The following PRKD1 variants were observed in gnomAD, a reference collection of about 807,000 sequenced individuals.
PRKD1 encodes protein kinase D1.
A neutral mutation model predicts 95.9 loss-of-function variants in PRKD1; 63 were observed. The ratio of observed to expected loss-of-function variants is 0.66; its 90% CI spans 0.54 to 0.81. PRKD1 has a LOEUF of 0.81. PRKD1 is among the 30% of genes least tolerant of loss of function. The pLI, the probability that PRKD1 is intolerant of heterozygous loss-of-function variation, is 0.00. For missense variants in PRKD1, 1,048 were observed against 1,165.3 expected (o/e 0.90, Z 1.47); for synonymous variants, 425 against 423.1 (o/e 1.00, Z -0.05).
rs779729017 is a variant in PRKD1 at position 29,700,986 on chromosome 14, G to GCACACACACACACACA, written c.403+24549_403+24550insTGTGTGTGTGTGTGTG. Among the ~76,000 whole-genome samples the GCACACACACACACACA allele has an allele frequency of 7.3e-3, 383 of 52,326 alleles. 3 individuals carry two copies. Among genetic ancestry groups the GCACACACACACACACA allele is most frequent in the South Asian group, 0.057 (69 of 1,216 alleles). The allele number at this position is 52,326 out of a possible 152,430, so 34.3% of individuals were successfully genotyped here. On this transcript the variant is annotated intron_variant, in intron 2 of 17. Transcript: ENST00000331968. Reference sequence around the variant, plus strand: ...TGTACGCGTGCGCATGCGCGCGCGCGCGCACACACACACACACACACCCTG... The same window carrying GCACACACACACACACA: ...TGTACGCGTGCGCATGCGCGCGCGCGCACACACACACACACACGCACACACACACACACACACCCTG...
chr14:29,682,824 T>C (rs548254765), intron 2 of PRKD1, among the ~76,000 whole-genome samples: 1 of 152,204 alleles, frequency 6.6e-6, no homozygotes, highest in African/African-American at 2.4e-5. Context: ...AATGCAAAGC[T>C]GGGAGGAGGC....
intron 1 of PRKD1, among the ~76,000 whole-genome samples, chr14:29,777,219 G>A (rs1294535892): frequency 6.6e-6 from 1 of 152,174 alleles, no homozygotes; most frequent in African/African-American, 2.4e-5. Context: ...ATCAATGCTA[G>A]GAAGAAACTG....
At chr14:29,900,105 T>C (rs962465180) in intron 1 of PRKD1, among the ~76,000 whole-genome samples, 5 of 152,206 alleles carry the variant, frequency 3.3e-5, no homozygotes, top group African/African-American at 1.2e-4. Context: ...TTTTCCTTTA[T>C]AAATTGCCCA....
intron 16 of PRKD1, among the ~76,000 whole-genome samples, chr14:29,586,258 G>A (rs1384663106): frequency 6.6e-6 from 1 of 152,184 alleles, no homozygotes; most frequent in Non-Finnish European, 1.5e-5. Flanking sequence ...TATCTGGAAT[G>A]CAGAGATAGA....
chr14:29,879,218 T>C (rs533331536), intron 1 of PRKD1, among the ~76,000 whole-genome samples: 1 of 152,332 alleles, frequency 6.6e-6, no homozygotes, highest in South Asian at 2.1e-4. Flanking sequence ...TGATATGGTT[T>C]GACTATGTCC....
At chr14:29,753,319 A>G (rs1887560666) in intron 1 of PRKD1, among the ~76,000 whole-genome samples, 1 of 152,074 alleles carries the variant, frequency 6.6e-6, no homozygotes, top group Admixed American at 6.6e-5. Context: ...CCTTTACCTT[A>G]AACTTAAGTA....
chr14:29,830,304 C>T (rs1344144697), intron 1 of PRKD1, among the ~76,000 whole-genome samples: 1 of 152,132 alleles, frequency 6.6e-6, no homozygotes, highest in East Asian at 1.9e-4. Flanking sequence ...CACCCTCTAT[C>T]CCAGAGTGTG....
At position 29,666,167 on chromosome 14, in the gene PRKD1, G is replaced by A; in HGVS notation, c.445C>T (p.Leu149Phe). The change falls in exon 3 of 18, where the codon CTC becomes TTC. Residue 149 changes from leucine (L) to phenylalanine (F), a missense_variant. By Grantham distance (22) the Leu-to-Phe change is conservative. Around this residue, in one of 3 missense-constraint regions of PRKD1, gnomAD observed 275 missense variants for 248.6 expected, o/e 1.11. Coordinates refer to ENST00000331968, the MANE Select transcript of PRKD1 (RefSeq NM_002742.3). Reference protein sequence around the residue: ...FEDFQIRPHALFVHSYRAPAF... With the variant: ...FEDFQIRPHAFFVHSYRAPAF... ...GGAGCTCTGTATGAATGAACAAAGA[G>A]AGCGTGGGGACGAATCTGAAAGTCT... is the stretch of plus-strand genomic sequence containing the variant. 1.9e-6 allele frequency: 3 copies of A among 1,606,994 alleles called. No homozygotes were observed. The highest frequency in any genetic ancestry group is 2.6e-6 in the Non-Finnish European group (3 of 1,175,112).
At chr14:29,683,993 AC>A (rs1424691106) in intron 2 of PRKD1, among the ~76,000 whole-genome samples, 1 of 152,020 alleles carries the variant, frequency 6.6e-6, no homozygotes, top group Non-Finnish European at 1.5e-5. Flanking sequence ...CAATTAACAA[AC>A]CCCTTATGCC....
intron 1 of PRKD1, among the ~76,000 whole-genome samples, chr14:29,846,721 CAG>C (rs767948842): frequency 3.3e-4 from 51 of 152,266 alleles, no homozygotes; most frequent in African/African-American, 4.3e-4. Flanking sequence ...CAGACAAAGA[CAG>C]AGGCAGAGAC....
At chr14:29,632,227 G>A (rs1880055932) in intron 9 of PRKD1, among the ~76,000 whole-genome samples, 1 of 152,138 alleles carries the variant, frequency 6.6e-6, no homozygotes, top group Non-Finnish European at 1.5e-5. Flanking sequence ...AATTAGTGAG[G>A]TTTCCATTTT....
chr14:29,643,195 GAGAT>G (rs1438089603), intron 4 of PRKD1, among the ~76,000 whole-genome samples: 3 of 152,072 alleles, frequency 2.0e-5, no homozygotes, highest in African/African-American at 7.2e-5. Context: ...ATATGGTAGT[GAGAT>G]AGATGCATAT....
intron 1 of PRKD1, among the ~76,000 whole-genome samples, chr14:29,750,233 A>G (rs1887413889): frequency 6.6e-6 from 1 of 152,200 alleles, no homozygotes; most frequent in African/African-American, 2.4e-5. Context: ...AGAGCTCCAA[A>G]TTATATACAG....
At chr14:29,805,416 C>CA (rs1566611111) in intron 1 of PRKD1, among the ~76,000 whole-genome samples, 1 of 151,954 alleles carries the variant, frequency 6.6e-6, no homozygotes, top group African/African-American at 2.4e-5. Context: ...AAATGCATTA[C>CA]AAAAAAAGAA....
chr14:29,828,022 T>A (rs1366306816), intron 1 of PRKD1, among the ~76,000 whole-genome samples: 1 of 152,036 alleles, frequency 6.6e-6, no homozygotes, highest in African/African-American at 2.4e-5. Context: ...ACTTATCTAT[T>A]CCTACATTTA....
chr14:29,904,090 T>C (rs1413822858), intron 1 of PRKD1, among the ~76,000 whole-genome samples: 1 of 152,172 alleles, frequency 6.6e-6, no homozygotes, highest in Non-Finnish European at 1.5e-5. Flanking sequence ...TAGGTACTTA[T>C]TTTTATGGCA....
intron 1 of PRKD1, among the ~76,000 whole-genome samples, chr14:29,827,559 A>G (rs1229129830): frequency 1.3e-5 from 2 of 152,158 alleles, no homozygotes; most frequent in East Asian, 1.9e-4. Context: ...ACAAAGTGAT[A>G]TGACTGGAAA....
Position 29,815,545 on chromosome 14 carries a change from CA to C in PRKD1, c.265-89872del, listed in dbSNP as rs549989679. On this transcript the variant is annotated intron_variant, in intron 1 of 17. Transcript: ENST00000331968. ...GTCTAACCGTTATAAGATCCTGGAA[CA>C]ATTTACAGTACTATGCAATGGAACA... Among the ~76,000 whole-genome samples, 25 of 152,302 alleles carry C rather than the reference CA, an allele frequency of 1.6e-4. No individual in the cohort carries two copies. The East Asian group carries it at 4.8e-3, about 29-fold the overall frequency.
At position 29,675,985 on chromosome 14, in the gene PRKD1, G is replaced by C. The variant is rs1416103845; in HGVS notation, c.404-9777C>G. Among the ~76,000 whole-genome samples, 30 of 123,484 alleles carry C rather than the reference G, an allele frequency of 2.4e-4. 1 individual carries two copies. The highest frequency in any genetic ancestry group is 5.2e-4 in the Admixed American group (6 of 11,596). The allele number at this position is 123,484 out of a possible 152,430, so 81.0% of individuals were successfully genotyped here. On this transcript the variant is annotated intron_variant, in intron 2 of 17. Transcript: ENST00000331968. ...CACACATCGGGGCCTGTCGTGGGGT[G>C]GGGGGTGGGGGGAGGGATAACATTA...
Sources: allele counts gnomAD v4.1 joint callset (sites outside exome capture counted in the v4.1 genomes callset), GRCh38; gene constraint gnomAD v4.1.1; regional missense constraint gnomAD v4.1.1; transcripts MANE v1.5; gene names NCBI Gene and HGNC (gene_info 2026-07-23, HGNC 2026-07-21).